GRIK1: variants seen among roughly 807,000 people sequenced by gnomAD.
The protein encoded by GRIK1 is glutamate ionotropic receptor kainate type subunit 1, also known as glutamate receptor ionotropic, kainate 1.
GRIK1 carries 69 observed loss-of-function variants against 105.7 expected under a neutral mutation model. That is an observed-to-expected ratio of 0.65 (90% CI 0.54 to 0.80). The LOEUF (loss-of-function observed/expected upper bound fraction) is 0.80, where lower values mean the gene tolerates loss of function less well. Among genes scored for constraint, GRIK1 ranks in the 30% least tolerant of loss-of-function variants. The pLI is 0.00. For missense variants in GRIK1, 1,109 were observed against 1,167.3 expected, an observed-to-expected ratio of 0.95 and a Z score of 0.73; for synonymous variants, 438 against 431.3, an observed-to-expected ratio of 1.02 and a Z score of -0.19.
intron 1 of GRIK1, among the ~76,000 whole-genome samples, chr21:29,751,188 A>G (rs2065191837): frequency 6.6e-6 from 1 of 152,220 alleles, no homozygotes; most frequent in Non-Finnish European, 1.5e-5. Flanking sequence ...CGTGCAGGTC[A>G]CAGGGGATAT....
chr21:29,736,108 A>G (rs2064784503), intron 1 of GRIK1, among the ~76,000 whole-genome samples: 1 of 152,220 alleles, frequency 6.6e-6, no homozygotes, highest in Non-Finnish European at 1.5e-5. Context: ...TATTTCCTTT[A>G]GGCCTCAGTT....
At chr21:29,546,382 T>C (rs2090050648) in intron 16 of GRIK1, among the ~76,000 whole-genome samples, 1 of 152,232 alleles carries the variant, frequency 6.6e-6, no homozygotes, top group African/African-American at 2.4e-5. Flanking sequence ...ATACAAAATG[T>C]CTCTACAAGT....
chr21:29,651,141 C>A lies in GRIK1; in HGVS notation c.931G>T (p.Gly311Cys), dbSNP rs750916308. The A allele has an allele frequency of 6.2e-6, 10 of 1,609,040 alleles. No homozygotes were observed. The highest frequency in any genetic ancestry group is 8.5e-6 in the Non-Finnish European group (10 of 1,178,554). ...RLQAPPRPET[G>C]LLDGMMTTEA... ...ACTGTCATCATGCCATCCAAAAGGC[C>A]AGTCTCGGGCCTGGGTGGGGCCTGC... Residue 311 changes from glycine (G) to cysteine (C), a missense_variant, in exon 6 of 18, where the codon GGC (glycine) becomes TGC (cysteine). Physicochemically the swap from Gly to Cys is radical, Grantham distance 159. This residue lies in a region of GRIK1 where 612 missense variants were observed against 586.0 expected (regional missense o/e 1.04). Transcript: ENST00000327783.
At chr21:29,619,934 T>A (rs2146419480) in intron 7 of GRIK1, among the ~76,000 whole-genome samples, 1 of 152,348 alleles carries the variant, frequency 6.6e-6, no homozygotes, top group South Asian at 2.1e-4. Flanking sequence ...GTTGTGAGGA[T>A]GAGAGCTAAA....
chr21:29,774,269 C>T (rs141592015), intron 1 of GRIK1, among the ~76,000 whole-genome samples: 2 of 152,252 alleles, frequency 1.3e-5, no homozygotes, highest in African/African-American at 4.8e-5. Flanking sequence ...CATATGAATA[C>T]AACTTCAACA....
chr21:29,920,267 AT>A (rs2071147516), intron 1 of GRIK1, among the ~76,000 whole-genome samples: 1 of 152,006 alleles, frequency 6.6e-6, no homozygotes, highest in Non-Finnish European at 1.5e-5. Context: ...GAATAGTTTC[AT>A]TTTCCCATTA....
intron 1 of GRIK1, among the ~76,000 whole-genome samples, chr21:29,827,975 A>G (rs1003234357): frequency 7.9e-5 from 9 of 113,578 alleles, no homozygotes; most frequent in African/African-American, 2.7e-4. Flanking sequence ...TATAGTTAGG[A>G]TCTCTCTCTC....
At chr21:29,560,322 TC>T (rs2090372810) in intron 15 of GRIK1, among the ~76,000 whole-genome samples, 2 of 121,784 alleles carry the variant, frequency 1.6e-5, no homozygotes, top group African/African-American at 7.0e-5. Flanking sequence ...TTTCTTTCTT[TC>T]TTTCTTTCTT....
chr21:29,664,029 G>C (rs1036076823), intron 4 of GRIK1, among the ~76,000 whole-genome samples: 2 of 152,194 alleles, frequency 1.3e-5, no homozygotes, highest in African/African-American at 4.8e-5. Context: ...TGAAAGGTGA[G>C]AGCAAGTAAG....
chr21:29,601,142 C>T lies in GRIK1; in HGVS notation c.1099-2205G>A, dbSNP rs554965805. 53 of 442,328 alleles carry T rather than the reference C, an allele frequency of 1.2e-4. 1 individual carries two copies. The highest frequency in any genetic ancestry group is 6.3e-4 in the South Asian group (40 of 63,228). The allele number at this position is 442,328 out of a possible 1,614,324, so 27.4% of individuals were successfully genotyped here. On this transcript the variant is annotated intron_variant, in intron 7 of 17. Coordinates refer to ENST00000327783, the MANE Select transcript of GRIK1 (RefSeq NM_001330994.2). ...TGAGCAAGGCAGACAGCCCTCTCCA[C>T]GTGAGTGGGTACCATTCAATTCATG...
intron 12 of GRIK1, among the ~76,000 whole-genome samples, chr21:29,581,828 T>C (rs900150144): frequency 6.6e-6 from 1 of 152,188 alleles, no homozygotes; most frequent in East Asian, 1.9e-4. Context: ...TTCATTCATT[T>C]CCATATTACT....
chr21:29,787,298 C>T (rs1429627884), intron 1 of GRIK1, among the ~76,000 whole-genome samples: 1 of 152,110 alleles, frequency 6.6e-6, no homozygotes. Context: ...AAAGTCTCTC[C>T]TTTTCAAAGA....
intron 1 of GRIK1, among the ~76,000 whole-genome samples, chr21:29,809,586 A>G (rs1028759654): frequency 1.3e-5 from 2 of 152,148 alleles, no homozygotes; most frequent in Non-Finnish European, 2.9e-5. Context: ...TCTTTATATC[A>G]GCAATAAGGC....
At chr21:29,806,052 AAAT>A (rs1413775047) in intron 1 of GRIK1, among the ~76,000 whole-genome samples, 1 of 152,192 alleles carries the variant, frequency 6.6e-6, no homozygotes, top group Non-Finnish European at 1.5e-5. Flanking sequence ...AATCTAGAGT[AAAT>A]AATAAAATTG....
At chr21:29,597,528 T>G (rs2061438210) in intron 8 of GRIK1, 1 of 276,964 alleles carries the variant, frequency 3.6e-6, no homozygotes, top group African/African-American at 2.2e-5. Flanking sequence ...ATTATAGGCT[T>G]TTAGATCATA....
chr21:29,538,833 A>G (rs1370476051), intron 16 of GRIK1, among the ~76,000 whole-genome samples: 2 of 152,164 alleles, frequency 1.3e-5, no homozygotes, highest in African/African-American at 4.8e-5. Flanking sequence ...TTTTGTTCCA[A>G]AAATAACTTG....
At chr21:29,873,844 C>G (rs2069101404) in intron 1 of GRIK1, among the ~76,000 whole-genome samples, 1 of 152,100 alleles carries the variant, frequency 6.6e-6, no homozygotes, top group Non-Finnish European at 1.5e-5. Flanking sequence ...CTTTTTGGCA[C>G]CAGGGACTAG....
chr21:29,610,246 G>A (rs768688839), intron 7 of GRIK1, among the ~76,000 whole-genome samples: 1 of 152,110 alleles, frequency 6.6e-6, no homozygotes, highest in Non-Finnish European at 1.5e-5. Flanking sequence ...GTGTGGTAGG[G>A]TGAATAAATG....
intron 1 of GRIK1, among the ~76,000 whole-genome samples, chr21:29,779,140 T>C (rs1196063376): frequency 1.3e-5 from 2 of 152,238 alleles, no homozygotes; most frequent in Non-Finnish European, 2.9e-5. Context: ...GTTCTGTTTT[T>C]CTAATTCATT....
Sources: gnomAD v4.1 joint callset for allele counts (sites outside exome capture counted in the v4.1 genomes callset) on GRCh38, gnomAD v4.1.1 for gene constraint, gnomAD v4.1.1 regional missense constraint, MANE v1.5 for transcripts, NCBI Gene and HGNC (gene_info 2026-07-23, HGNC 2026-07-21) for gene names.